The following TRAPPC9 variants were observed in gnomAD, a reference collection of about 807,000 sequenced individuals.
The protein encoded by TRAPPC9 is IKK2 binding protein.
In TRAPPC9, 83 loss-of-function variants were observed where a neutral mutation model predicts 124.0. That is an observed-to-expected ratio of 0.67 (90% confidence interval 0.56 to 0.80). TRAPPC9 has a LOEUF of 0.80. TRAPPC9 is among the 30% of genes least tolerant of loss of function. TRAPPC9 has a pLI of 0.00. For missense variants in TRAPPC9, 1,302 were observed against 1,508.3 expected (o/e 0.86, Z 2.27); for synonymous variants, 638 against 617.5 (o/e 1.03, Z -0.49).
chr8:140,093,296 C>T (rs372923362), intron 17 of TRAPPC9, among the ~76,000 whole-genome samples: 34 of 152,290 alleles, frequency 2.2e-4, no homozygotes, highest in African/African-American at 7.9e-4. Context: ...TGTTCCTTGC[C>T]TAGTCTTGGG....
intron 18 of TRAPPC9, among the ~76,000 whole-genome samples, chr8:139,992,077 A>G (rs980770359): frequency 3.3e-5 from 5 of 152,224 alleles, no homozygotes; most frequent in Admixed American, 6.5e-5. Context: ...AAGCTGAAAA[A>G]GATTGTTGAA....
chr8:140,250,841 T>A (rs1471534718), intron 16 of TRAPPC9, among the ~76,000 whole-genome samples: 1 of 152,156 alleles, frequency 6.6e-6, no homozygotes, highest in East Asian at 1.9e-4. Context: ...AGCCTCACAT[T>A]TACAAACCAC....
At chr8:139,800,890 C>T (rs1586871432) in intron 21 of TRAPPC9, among the ~76,000 whole-genome samples, 2 of 150,954 alleles carry the variant, frequency 1.3e-5, no homozygotes, top group African/African-American at 4.9e-5. Flanking sequence ...GGTATCTTCC[C>T]GCCCTCCGGT....
chr8:139,891,393 C>T (rs755790034), intron 20 of TRAPPC9, among the ~76,000 whole-genome samples: 42 of 152,352 alleles, frequency 2.8e-4, no homozygotes, highest in Middle Eastern at 6.8e-3. Context: ...AGGTGCTCAG[C>T]CCAGGAGCCT....
At chr8:140,221,323 C>G (rs777800536) in intron 17 of TRAPPC9, 136 bp downstream of exon 17, 1 of 1,347,764 alleles carries the variant, frequency 7.4e-7, no homozygotes, top group Non-Finnish European at 1.0e-6. Flanking sequence ...TGTCCAAGAA[C>G]AAAGAATACC....
intron 17 of TRAPPC9, among the ~76,000 whole-genome samples, chr8:140,161,804 T>C (rs2061756077): frequency 7.1e-6 from 1 of 141,154 alleles, no homozygotes; most frequent in African/African-American, 2.7e-5. Flanking sequence ...GAGGGGAGAA[T>C]GGGAGGGAAG....
chr8:140,317,881 G>A (rs1041812920), intron 9 of TRAPPC9, among the ~76,000 whole-genome samples: 6 of 152,156 alleles, frequency 3.9e-5, no homozygotes, highest in African/African-American at 1.2e-4. Context: ...TGCCAAAGAA[G>A]TGGGGAAAGG....
At chr8:139,923,460 C>G (rs565499588) in intron 19 of TRAPPC9, among the ~76,000 whole-genome samples, 5 of 151,352 alleles carry the variant, frequency 3.3e-5, no homozygotes, top group African/African-American at 7.2e-5. Context: ...GTCCCCACCC[C>G]GAACTCACGT....
At chr8:140,126,353 G>A (rs1360328714) in intron 17 of TRAPPC9, among the ~76,000 whole-genome samples, 1 of 152,020 alleles carries the variant, frequency 6.6e-6, no homozygotes, top group Admixed American at 6.6e-5. Flanking sequence ...GTCCATTTCA[G>A]AACCAGACTC....
At chr8:139,875,010 C>T (rs1422834458) in intron 21 of TRAPPC9, among the ~76,000 whole-genome samples, 2 of 152,244 alleles carry the variant, frequency 1.3e-5, no homozygotes, top group South Asian at 2.1e-4. Context: ...CTGGAAGTTA[C>T]GCCTTCCTGA....
intron 18 of TRAPPC9, among the ~76,000 whole-genome samples, chr8:140,020,226 T>C (rs1318173201): frequency 2.0e-5 from 3 of 152,234 alleles, no homozygotes; most frequent in Admixed American, 2.0e-4. Context: ...TATTTGTTCA[T>C]ACTCTATAGC....
intron 17 of TRAPPC9, among the ~76,000 whole-genome samples, chr8:140,054,082 A>T (rs1404705871): frequency 6.6e-6 from 1 of 152,240 alleles, no homozygotes; most frequent in East Asian, 1.9e-4. Context: ...CAGAAAATCA[A>T]ATACTCTATG....
rs79821464 is a variant in TRAPPC9, at chr8:139,996,730, C to A, written c.2700-7894G>T. On this transcript the variant is annotated intron_variant, in intron 18 of 22. Coordinates refer to ENST00000438773, the MANE Select transcript of TRAPPC9 (RefSeq NM_001160372.4). The stretch of plus-strand genomic sequence containing the variant: ...AAGTTTTTTGTTTTTGCTGTTGTTG[C>A]TATTTTTTTGTTTGTTTGTTTGCTT... Among the ~76,000 whole-genome samples, 39 of 152,210 alleles carry A rather than the reference C, an allele frequency of 2.6e-4. No homozygotes were observed. The East Asian group carries it at 6.8e-3, about 26-fold the overall frequency.
chr8:139,757,141 T>C (rs11783492), intron 21 of TRAPPC9, among the ~76,000 whole-genome samples: 22,108 of 103,452 alleles, frequency 0.21, 2,880 homozygotes, highest in African/African-American at 0.36. Flanking sequence ...GGTTTGAGGA[T>C]GAGGACAGCA....
intron 17 of TRAPPC9, among the ~76,000 whole-genome samples, chr8:140,158,021 G>T (rs1402976035): frequency 3.3e-5 from 5 of 151,988 alleles, no homozygotes; most frequent in Non-Finnish European, 7.4e-5. Context: ...ATTCCCTGTT[G>T]TTGGACATTT....
intron 18 of TRAPPC9, among the ~76,000 whole-genome samples, chr8:140,020,130 T>C (rs1391142829): frequency 3.3e-5 from 5 of 152,252 alleles, no homozygotes; most frequent in African/African-American, 1.2e-4. Flanking sequence ...TCCACATTTT[T>C]TTCTGACCAC....
At chr8:140,215,560 T>C (rs2063171490) in intron 17 of TRAPPC9, among the ~76,000 whole-genome samples, 1 of 151,358 alleles carries the variant, frequency 6.6e-6, no homozygotes, top group South Asian at 2.1e-4. Context: ...GCAGGAGAAT[T>C]GCTTGAACCC....
chr8:140,457,540 G>A (rs1434642199), intron 1 of TRAPPC9, 99 bp downstream of exon 1: 3 of 924,834 alleles, frequency 3.2e-6, no homozygotes, highest in South Asian at 9.9e-5. Flanking sequence ...GGCCGGGCGA[G>A]CCCCTCCGCG....
At chr8:140,142,513 G>A (rs182905517) in intron 17 of TRAPPC9, among the ~76,000 whole-genome samples, 2 of 152,330 alleles carry the variant, frequency 1.3e-5, no homozygotes, top group East Asian at 3.9e-4. Flanking sequence ...TCCTGCAGTG[G>A]CCTCACATTG....
Sources: allele counts gnomAD v4.1 joint callset (sites outside exome capture counted in the v4.1 genomes callset), GRCh38; gene constraint gnomAD v4.1.1; transcripts MANE v1.5; gene names NCBI Gene and HGNC (gene_info 2026-07-23, HGNC 2026-07-21).